CDH13: variants seen among roughly 807,000 people sequenced by gnomAD.
CDH13 encodes the protein cadherin-13.
A neutral mutation model predicts 63.8 loss-of-function variants in CDH13; 24 were observed. That is an observed-to-expected ratio of 0.38 (90% CI 0.27 to 0.53). CDH13 has a LOEUF of 0.53. Ranked by LOEUF, CDH13 falls within the 20% of genes least tolerant of loss-of-function variation. The pLI, the probability that CDH13 is intolerant of heterozygous loss-of-function variation, is 0.85. For synonymous variants in CDH13, 503 were observed against 355.3 expected, an observed-to-expected ratio of 1.42 and a Z score of -4.67; for missense variants, 1,049 against 903.1, an observed-to-expected ratio of 1.16 and a Z score of -2.07.
chr16:83,555,140 G>A (rs1236454181), intron 7 of CDH13, among the ~76,000 whole-genome samples: 1 of 152,274 alleles, frequency 6.6e-6, no homozygotes, highest in Non-Finnish European at 1.5e-5. Context: ...TCATCAACCA[G>A]ACAGTTCAGC....
chr16:83,177,249 A>T (rs1220543479), intron 4 of CDH13, among the ~76,000 whole-genome samples: 2 of 152,178 alleles, frequency 1.3e-5, no homozygotes, highest in African/African-American at 2.4e-5. Flanking sequence ...TAAATATGAC[A>T]ATTGATAACA....
intron 2 of CDH13, among the ~76,000 whole-genome samples, chr16:83,016,259 A>G (rs1914784263): frequency 6.6e-6 from 1 of 152,210 alleles, no homozygotes; most frequent in African/African-American, 2.4e-5. Flanking sequence ...AAGCCAAATC[A>G]TTGTCTTTTA....
intron 8 of CDH13, among the ~76,000 whole-genome samples, chr16:83,654,663 T>C (rs1209428782): frequency 6.6e-6 from 1 of 152,188 alleles, no homozygotes. Flanking sequence ...CAAACAGCTC[T>C]TTATTGCTAC....
intron 1 of CDH13, among the ~76,000 whole-genome samples, chr16:82,792,206 G>A (rs1183286982): frequency 6.6e-6 from 1 of 152,094 alleles, no homozygotes; most frequent in Non-Finnish European, 1.5e-5. Context: ...CTACCACCTT[G>A]CTGTCCTGGC....
chr16:82,818,494 G>A (rs540451761), intron 1 of CDH13, among the ~76,000 whole-genome samples: 1 of 152,206 alleles, frequency 6.6e-6, no homozygotes, highest in South Asian at 2.1e-4. Context: ...AAAAGAAAAA[G>A]TTACATGAGC....
intron 3 of CDH13, among the ~76,000 whole-genome samples, chr16:83,055,166 C>T (rs963276837): frequency 2.6e-5 from 4 of 151,700 alleles, no homozygotes; most frequent in African/African-American, 4.8e-5. Flanking sequence ...CATAACAAAA[C>T]TTGAGAATCC....
At chr16:83,394,182 A>T (rs1418659455) in intron 6 of CDH13, among the ~76,000 whole-genome samples, 2 of 152,034 alleles carry the variant, frequency 1.3e-5, no homozygotes, top group African/African-American at 4.8e-5. Context: ...TCTGTACATG[A>T]AACCCCCATG....
At chr16:83,624,901 T>C (rs1044232196) in intron 8 of CDH13, among the ~76,000 whole-genome samples, 3 of 152,190 alleles carry the variant, frequency 2.0e-5, no homozygotes, top group African/African-American at 7.2e-5. Context: ...CTGGCCATGA[T>C]TTGCATGTGA....
At chr16:82,881,174 C>G (rs930961864) in intron 2 of CDH13, among the ~76,000 whole-genome samples, 1 of 152,096 alleles carries the variant, frequency 6.6e-6, no homozygotes, top group Non-Finnish European at 1.5e-5. Context: ...TTATCCTAAT[C>G]TTTGTGCATG....
rs572838048 is a variant in CDH13, at chr16:83,737,341, C to G, written c.1539-10767C>G. On this transcript the variant is annotated intron_variant, in intron 10 of 13. Transcript: ENST00000567109. The stretch of plus-strand genomic sequence containing the variant: ...GTTTGACTTCGAAGTTACTAAGAGC[C>G]TTCCAATAAAAGAACAGTTTAAGCC... Among the ~76,000 whole-genome samples, 5 of 152,288 alleles carry G rather than the reference C, an allele frequency of 3.3e-5. No individual in the cohort carries two copies. In the South Asian group the frequency reaches 1.0e-3, roughly 32 times the overall value.
intron 2 of CDH13, among the ~76,000 whole-genome samples, chr16:82,996,368 T>A (rs890586824): frequency 6.6e-6 from 1 of 152,220 alleles, no homozygotes; most frequent in Non-Finnish European, 1.5e-5. Flanking sequence ...TACAGAAATG[T>A]CAGCTCTGAG....
chr16:83,032,299 T>C lies in CDH13; in HGVS notation c.366+81T>C, dbSNP rs7197530. ...TCTTATGTGGAAAATGGGTCTTTAA[T>C]TTATTATGTTGGCTAAGATTCCTTT... On this transcript the variant is annotated intron_variant, in intron 3 of 13. Transcript: ENST00000567109. The C allele has an allele frequency of 0.28, 288,694 of 1,042,222 alleles. 40,582 individuals carry two copies. Among genetic ancestry groups the C allele is most frequent in the African/African-American group, 0.37 (23,258 of 63,104 alleles). 64.6% of individuals were successfully genotyped at this position (1,042,222 alleles called of 1,614,324 possible). A position where few individuals can be genotyped will look rare whatever the true frequency, so the allele number is the denominator to read the frequency against.
intron 5 of CDH13, among the ~76,000 whole-genome samples, chr16:83,268,341 G>A (rs1250896603): frequency 6.6e-6 from 1 of 152,210 alleles, no homozygotes; most frequent in Admixed American, 6.5e-5. Flanking sequence ...TGTAGCCTGA[G>A]GGATCTGGCA....
chr16:83,058,991 T>A (rs1035675609), intron 3 of CDH13, among the ~76,000 whole-genome samples: 1 of 152,206 alleles, frequency 6.6e-6, no homozygotes, highest in Non-Finnish European at 1.5e-5. Flanking sequence ...CCGGTTTTAC[T>A]GTATCTGCCT....
intron 3 of CDH13, among the ~76,000 whole-genome samples, chr16:83,042,420 G>A (rs1045523480): frequency 6.6e-6 from 1 of 152,290 alleles, no homozygotes; most frequent in African/African-American, 2.4e-5. Flanking sequence ...AATGCCTGAT[G>A]ATCTGTCACT....
intron 13 of CDH13, among the ~76,000 whole-genome samples, chr16:83,792,255 A>C (rs1358780351): frequency 6.6e-6 from 1 of 152,220 alleles, no homozygotes; most frequent in African/African-American, 2.4e-5. Flanking sequence ...ATGACAGTTG[A>C]TCCTTGGGGG....
intron 6 of CDH13, among the ~76,000 whole-genome samples, chr16:83,475,968 C>T (rs181118118): frequency 7.0e-4 from 107 of 152,274 alleles, no homozygotes; most frequent in African/African-American, 2.4e-3. Flanking sequence ...GCCCATTGTT[C>T]AGAATTAACC....
intron 7 of CDH13, among the ~76,000 whole-genome samples, chr16:83,581,512 G>T (rs1450182511): frequency 6.6e-6 from 1 of 151,828 alleles, no homozygotes; most frequent in Non-Finnish European, 1.5e-5. Context: ...GTCTTCTCAG[G>T]CCACCCTATT....
chr16:83,532,241 A>T (rs534984789), intron 7 of CDH13, among the ~76,000 whole-genome samples: 2 of 152,286 alleles, frequency 1.3e-5, no homozygotes, highest in African/African-American at 4.8e-5. Flanking sequence ...GTGTTTATCA[A>T]CAGTGTGAAA....
Sources: gnomAD v4.1 joint callset for allele counts (sites outside exome capture counted in the v4.1 genomes callset) on GRCh38, gnomAD v4.1.1 for gene constraint, MANE v1.5 for transcripts, NCBI Gene and HGNC (gene_info 2026-07-23, HGNC 2026-07-21) for gene names.